Variants in HSF2 observed in about 807,000 individuals in gnomAD.
HSF2 encodes heat shock transcription factor 2, also known as heat shock factor protein 2.
Under a neutral mutation model 65.0 loss-of-function variants are expected in HSF2, and 21 were observed. The observed-to-expected ratio is 0.32, with a 90% CI of 0.23 to 0.47. The LOEUF is 0.47. Among genes scored for constraint, HSF2 ranks in the 20% least tolerant of loss-of-function variants. The pLI is 1.00. For synonymous variants in HSF2, 225 were observed against 219.1 expected (o/e 1.03, Z -0.24); for missense variants, 499 against 628.1 (o/e 0.79, Z 2.20).
At chr6:122,431,559 C>A in intron 12 of HSF2, 45 bp downstream of exon 12, 1 of 1,114,966 alleles carries the variant, frequency 9.0e-7, no homozygotes, top group Non-Finnish European at 1.3e-6. Flanking sequence ...TTTTTTAATC[C>A]TATGCAGAAA....
Position 122,422,737 on chromosome 6 carries a change from A to G in HSF2, c.850A>G (p.Ile284Val), listed in dbSNP as rs1281822804. The change falls in exon 9 of 13, where the codon ATT becomes GTT. Residue 284 changes from isoleucine (I) to valine (V), a missense_variant. By Grantham distance (29) the Ile-to-Val change is conservative. Transcript: ENST00000368455. ...ATTTAGCTGTAGCCAGTACCCTGAT[A>G]TTGTCATCGTTGAAGATGACAATGA... is the stretch of plus-strand genomic sequence containing the variant. ...DPSNCSQYPD[I>V]VIVEDDNEDE... is the part of the protein sequence containing the mutation. 6.2e-7 allele frequency: 1 copy of G among 1,613,340 alleles called. No homozygotes were observed. The highest frequency in any genetic ancestry group is 2.2e-5 in the East Asian group (1 of 44,884).
intron 6 of HSF2, 84 bp from the exon 7 acceptor site, chr6:122,420,051 G>A: frequency 1.5e-6 from 2 of 1,346,716 alleles, no homozygotes; most frequent in South Asian, 1.5e-5. Flanking sequence ...GTGTGCATGT[G>A]TGTGTGTTTG....
rs769364967 is a variant in HSF2 at position 122,416,494 on chromosome 6, A to G, written c.531+198A>G. Among the ~76,000 whole-genome samples the G allele has an allele frequency of 1.7e-4, 26 of 152,234 alleles. No homozygotes were observed. Among genetic ancestry groups the G allele is most frequent in the Non-Finnish European group, 3.4e-4 (23 of 68,040 alleles). On this transcript the variant is annotated intron_variant, in intron 5 of 12. Coordinates refer to ENST00000368455, the MANE Select transcript of HSF2 (RefSeq NM_004506.4). ...ATAAAAAATTTCTCACTAGCTAAAG[A>G]TGGTTATTCCATACTCGCAGATAAT...
At chr6:122,431,820 G>C in intron 12 of HSF2, 105 bp from the exon 13 acceptor site, 1 of 923,192 alleles carries the variant, frequency 1.1e-6, no homozygotes, top group East Asian at 2.4e-5. Flanking sequence ...TTGGCTATAT[G>C]AGAGTAGTAA....
chr6:122,413,495 CTTT>C (rs1562200619), intron 3 of HSF2, 27 bp from the exon 4 acceptor site: 1 of 1,501,746 alleles, frequency 6.7e-7, no homozygotes, highest in Non-Finnish European at 9.2e-7. Flanking sequence ...TTTACTGTTT[CTTT>C]GATTTTCTAA....
chr6:122,420,180 T>C lies in HSF2; in HGVS notation c.639T>C (p.Phe213=), dbSNP rs1774202044. 1 of 1,609,004 alleles carries C rather than the reference T, an allele frequency of 6.2e-7. No homozygotes were observed. Among genetic ancestry groups the C allele is most frequent in the Admixed American group, 1.7e-5 (1 of 59,780 alleles). ...NTNGAQKKNL[F]QHIVKEPTDN... is the part of the protein sequence containing the mutation. ...ATGGAGCCCAAAAGAAGAACCTGTT[T>C]CAGCACATAGTCAAAGAACCAACTG... Residue 213 remains phenylalanine (F), a synonymous_variant, in exon 7 of 13, where the codon TTT becomes TTC. Coordinates refer to ENST00000368455, the MANE Select transcript of HSF2 (RefSeq NM_004506.4).
intron 1 of HSF2, among the ~76,000 whole-genome samples, chr6:122,409,735 G>GA (rs1773947445): frequency 6.6e-6 from 1 of 151,952 alleles, no homozygotes; most frequent in African/African-American, 2.4e-5. Context: ...CTGTTAGGAA[G>GA]AAAGTAGAGG....
At chr6:122,412,576 A>G (rs1232759139) in intron 2 of HSF2, 61 bp from the exon 3 acceptor site, 18 of 1,586,774 alleles carry the variant, frequency 1.1e-5, no homozygotes, top group Non-Finnish European at 1.5e-5. Context: ...ATTATTCCAT[A>G]CAAGCACCAC....
At chr6:122,403,639 AAAGT>A (rs1773794070) in intron 1 of HSF2, among the ~76,000 whole-genome samples, 1 of 152,180 alleles carries the variant, frequency 6.6e-6, no homozygotes, top group African/African-American at 2.4e-5. Flanking sequence ...GAAAGAAAAG[AAAGT>A]ATGTTTTACA....
At chr6:122,415,888 A>G (rs1460821465) in intron 4 of HSF2, among the ~76,000 whole-genome samples, 1 of 152,132 alleles carries the variant, frequency 6.6e-6, no homozygotes, top group Non-Finnish European at 1.5e-5. Flanking sequence ...GTGGTGGCAC[A>G]TGCCTGTAAT....
chr6:122,414,081 A>G (rs1429656016), intron 4 of HSF2, among the ~76,000 whole-genome samples: 1 of 152,122 alleles, frequency 6.6e-6, no homozygotes, highest in Non-Finnish European at 1.5e-5. Context: ...CTCTTAGGAA[A>G]AAGTAGGACA....
At chr6:122,403,803 C>T (rs1331876338) in intron 1 of HSF2, among the ~76,000 whole-genome samples, 2 of 151,972 alleles carry the variant, frequency 1.3e-5, no homozygotes, top group African/African-American at 2.4e-5. Context: ...TACTGTCAGA[C>T]GACCTAAAAC....
chr6:122,424,956 G>C (rs1473505998), intron 10 of HSF2, among the ~76,000 whole-genome samples: 1 of 151,998 alleles, frequency 6.6e-6, no homozygotes, highest in African/African-American at 2.4e-5. Flanking sequence ...TATTCACAGA[G>C]GATAATTAAC....
chr6:122,406,136 A>G (rs1285623533), intron 1 of HSF2, among the ~76,000 whole-genome samples: 1 of 152,222 alleles, frequency 6.6e-6, no homozygotes, highest in Non-Finnish European at 1.5e-5. Flanking sequence ...AAAAAGAAAG[A>G]TATTTATTTA....
At chr6:122,428,672 G>C (rs1210401999) in intron 11 of HSF2, among the ~76,000 whole-genome samples, 1 of 151,974 alleles carries the variant, frequency 6.6e-6, no homozygotes, top group Non-Finnish European at 1.5e-5. Context: ...ATCAAGTCCA[G>C]ATTCCAGATT....
At chr6:122,429,970 T>G (rs1250390650) in intron 11 of HSF2, among the ~76,000 whole-genome samples, 2 of 152,158 alleles carry the variant, frequency 1.3e-5, no homozygotes, top group African/African-American at 4.8e-5. Context: ...TGAAATTTTC[T>G]TTTTTTGTTG....
At chr6:122,403,251 A>G (rs926993890) in intron 1 of HSF2, among the ~76,000 whole-genome samples, 2 of 152,212 alleles carry the variant, frequency 1.3e-5, no homozygotes, top group African/African-American at 4.8e-5. Flanking sequence ...TTGAAATTAT[A>G]CTTAAATATG....
Position 122,399,668 on chromosome 6 carries a change from T to TGCCGTATCTGCC in HSF2, c.-64_-63insTCTGCCGCCGTA. 8.1e-7 allele frequency: 1 copy of TGCCGTATCTGCC among 1,238,818 alleles called. No individual in the cohort carries two copies. The allele number at this position is 1,238,818 out of a possible 1,614,324, so 76.7% of individuals were successfully genotyped here. A position where few individuals can be genotyped will look rare whatever the true frequency, so the allele number is the denominator to read the frequency against. ...GTTGTGGGCGTTCTCGGGGAGCTGC[T>TGCCGTATCTGCC]GCCGTAGCTGCCGCCGCCGCTACCA... On this transcript the variant is annotated 5_prime_UTR_variant, in exon 1 of 13. Coordinates refer to ENST00000368455, the MANE Select transcript of HSF2 (RefSeq NM_004506.4).
intron 10 of HSF2, among the ~76,000 whole-genome samples, chr6:122,425,432 A>G (rs1206271795): frequency 1.3e-5 from 2 of 152,072 alleles, no homozygotes; most frequent in African/African-American, 4.8e-5. Context: ...TTATAGGCTC[A>G]TGTTATTTAC....
Sources: allele counts gnomAD v4.1 joint callset (sites outside exome capture counted in the v4.1 genomes callset), GRCh38; gene constraint gnomAD v4.1.1; transcripts MANE v1.5; gene names NCBI Gene and HGNC (gene_info 2026-07-23, HGNC 2026-07-21).